Variants in TTN observed in about 807,000 individuals in gnomAD.
The protein encoded by TTN is connectin.
In TTN, 1,525 loss-of-function variants were observed where a neutral mutation model predicts 3,223.0. That is an observed-to-expected ratio of 0.47 (90% CI 0.45 to 0.49). TTN has a LOEUF of 0.49. TTN is among the 20% of genes least tolerant of loss of function. The pLI is 0.00. For missense variants in TTN, 40,786 were observed against 43,424.0 expected (o/e 0.94, Z 5.40); for synonymous variants, 14,094 against 15,161.0 (o/e 0.93, Z 5.17).
At position 178,599,333 on chromosome 2, in the gene TTN, A is replaced by G; in HGVS notation, c.56460T>C (p.Tyr18820=). Residue 18820 remains tyrosine (Y), a synonymous_variant, in exon 290 of 363, where the codon TAT becomes TAC. Transcript: ENST00000589042. ...TGTTAGCTTCTCTTTTCTCAATTAC[A>G]TAGTTTGTAATCTTAGACCCACCAT... ...KDDGGSKITN[Y]VIEKREANRK... is the part of the protein sequence containing the mutation. The G allele has an allele frequency of 6.2e-7, 1 of 1,610,326 alleles. No homozygotes were observed. The highest frequency in any genetic ancestry group is 8.5e-7 in the Non-Finnish European group (1 of 1,178,486).
intron 115 of TTN, 55 bp from the exon 116 acceptor site, chr2:178,694,961 T>C: frequency 1.7e-6 from 2 of 1,178,198 alleles, no homozygotes; most frequent in Non-Finnish European, 2.4e-6. Context: ...TAAAATTCTC[T>C]CTCTCTCTAT....
Position 178,572,376 on chromosome 2 carries a change from C to A in TTN, c.73756G>T (p.Gly24586Cys). ...AGAACCCTGAAATAGTAGCTACAGC[C>A]TTCTTGAAGCTGGTCTACCTTCCAG... is the stretch of plus-strand genomic sequence containing the variant. ...TSWKVDQLQE[G>C]CSYYFRVLAE... The change falls in exon 326 of 363, where the codon GGC becomes TGC. Residue 24586 changes from glycine (G) to cysteine (C), a missense_variant. Gly to Cys is a radical substitution (Grantham distance 159). Coordinates refer to ENST00000589042, the MANE Select transcript of TTN (RefSeq NM_001267550.2). The A allele has an allele frequency of 6.2e-7, 1 of 1,613,092 alleles. No homozygotes were observed. Among genetic ancestry groups the A allele is most frequent in the Non-Finnish European group, 8.5e-7 (1 of 1,179,298 alleles).
Position 178,695,377 on chromosome 2 carries a change from G to A in TTN, c.31241C>T (p.Pro10414Leu), listed in dbSNP as rs1315573254. The change falls in exon 115 of 363, where the codon CCT becomes CTT. Residue 10414 changes from proline (P) to leucine (L), a missense_variant. Physicochemically the swap from Pro to Leu is moderately conservative, Grantham distance 98 (BLOSUM62 -3). Transcript: ENST00000589042. ...SHERKVPAKV[P>L]EKKAPPPPKV... is the part of the protein sequence containing the mutation. ...AGGAGGTGGTGGTGCTTTCTTTTCAGGTACTTTGGCTGGAACTTTTCTCTC... is the reference window on the plus strand; with the variant it reads ...AGGAGGTGGTGGTGCTTTCTTTTCAAGTACTTTGGCTGGAACTTTTCTCTC... The A allele has an allele frequency of 1.9e-6, 3 of 1,612,140 alleles. No homozygotes were observed. The highest frequency in any genetic ancestry group is 3.3e-4 in the Middle Eastern group (2 of 6,054).
At position 178,620,986 on chromosome 2, in the gene TTN, G is replaced by T; in HGVS notation, c.45624C>A (p.Leu15208=). The T allele has an allele frequency of 6.2e-7, 1 of 1,609,322 alleles. No homozygotes were observed. Among genetic ancestry groups the T allele is most frequent in the East Asian group, 2.2e-5 (1 of 44,622 alleles). Residue 15208 remains leucine (L), a synonymous_variant, in exon 247 of 363, where the codon CTC becomes CTA. Coordinates refer to ENST00000589042, the MANE Select transcript of TTN (RefSeq NM_001267550.2). Reference sequence around the variant, plus strand: ...TGTCCTTAAGAGGAACTACGATCCTGAGTTTTTCTGAAAGCAACCGACAAG... The same window carrying T: ...TGTCCTTAAGAGGAACTACGATCCTTAGTTTTTCTGAAAGCAACCGACAAG... The part of the protein sequence containing the change: ...AAAHLTVIEK[L]RIVVPLKDTR...
Position 178,533,918 on chromosome 2 carries a change from A to G in TTN, c.102697T>C (p.Tyr34233His), listed in dbSNP as rs1460715226. 6.2e-7 allele frequency: 1 copy of G among 1,613,746 alleles called. No homozygotes were observed. Among genetic ancestry groups the G allele is most frequent in the Non-Finnish European group, 8.5e-7 (1 of 1,179,874 alleles). Residue 34233 changes from tyrosine to histidine, a missense_variant, in exon 358 of 363, where the codon TAT (tyrosine) becomes CAT (histidine). Transcript: ENST00000589042. ...ELFVKGVREV[Y>H]DYYCRRTMKK... ...ATGGTTCTACGGCAGTAATAGTCATAGACTTCTCTCACACCTTTAACAAAT... is the reference window on the plus strand; with the variant it reads ...ATGGTTCTACGGCAGTAATAGTCATGGACTTCTCTCACACCTTTAACAAAT...
intron 112 of TTN, among the ~76,000 whole-genome samples, chr2:178,698,029 G>T (rs945941806): frequency 6.6e-6 from 1 of 152,108 alleles, no homozygotes; most frequent in Non-Finnish European, 1.5e-5. Flanking sequence ...GGAAAAGGTG[G>T]TATATAAATA....
intron 79 of TTN, 97 bp from the exon 80 acceptor site, chr2:178,720,760 T>C (rs2154300859): frequency 7.2e-7 from 1 of 1,393,678 alleles, no homozygotes; most frequent in Middle Eastern, 2.1e-4. Flanking sequence ...GGTGTGATCA[T>C]ATGACAATAC....
chr2:178,739,516 A>G lies in TTN; in HGVS notation c.13717T>C (p.Ser4573Pro), dbSNP rs756221674. ...GAGGAAGACTCCTCTTTTTCCTCTG[A>G]TGGTTTCAGACTCTCATCTTGTTTT... Reference protein sequence around the residue: ...DEKQDESLKPSEEKEESSSES... With the variant: ...DEKQDESLKPPEEKEESSSES... The change falls in exon 48 of 363, where the codon TCA (serine) becomes CCA (proline). Residue 4573 changes from serine to proline, a missense_variant. Physicochemically the swap from Ser to Pro is moderately conservative, Grantham distance 74. Transcript: ENST00000589042. The G allele has an allele frequency of 1.9e-6, 3 of 1,613,720 alleles. No homozygotes were observed. Among genetic ancestry groups the G allele is most frequent in the Non-Finnish European group, 2.5e-6 (3 of 1,179,790 alleles).
rs761211956 is a variant in TTN at position 178,619,571 on chromosome 2, A to T, written c.46696+50T>A. Reference sequence around the variant, plus strand: ...CTCATTAAATAACTGTGAAATCTGAAATCTAAACTCTGTGATATTGGAAGG... The same window carrying T: ...CTCATTAAATAACTGTGAAATCTGATATCTAAACTCTGTGATATTGGAAGG... On this transcript the variant is annotated intron_variant, in intron 250 of 362. Coordinates refer to ENST00000589042, the MANE Select transcript of TTN (RefSeq NM_001267550.2). The T allele has an allele frequency of 1.2e-5, 19 of 1,589,302 alleles. No homozygotes were observed. The African/African-American group carries it at 2.6e-4, about 22-fold the overall frequency.
Position 178,590,410 on chromosome 2 carries a change from C to T in TTN, c.61315G>A (p.Glu20439Lys), listed in dbSNP as rs778185086. 1 of 1,608,450 alleles carries T rather than the reference C, an allele frequency of 6.2e-7. No individual in the cohort carries two copies. The highest frequency in any genetic ancestry group is 1.1e-5 in the South Asian group (1 of 89,622). The change falls in exon 304 of 363, where the codon GAA becomes AAA. Residue 20439 changes from glutamate (E) to lysine (K), a missense_variant. Coordinates refer to ENST00000589042, the MANE Select transcript of TTN (RefSeq NM_001267550.2). ...QCAFRVPGLIEGNEYRFRIKA... is the reference protein window; with the variant it reads ...QCAFRVPGLIKGNEYRFRIKA... ...ATACGGAATCTGTACTCATTTCCTTCAATTAGTCCAGGTACCCTAAAGGCA... is the reference window on the plus strand; with the variant it reads ...ATACGGAATCTGTACTCATTTCCTTTAATTAGTCCAGGTACCCTAAAGGCA...
chr2:178,572,867 C>T lies in TTN; in HGVS notation c.73265G>A (p.Arg24422Lys), dbSNP rs780420383. Reference protein sequence around the residue: ...LVPGTPKAEDRMLPPEIELDA... With the variant: ...LVPGTPKAEDKMLPPEIELDA... ...CAGTTCAATTTCTGGAGGCAGCATT[C>T]TGTCTTCAGCCTTTGGAGTTCCAGG... The change falls in exon 326 of 363, where the codon AGA becomes AAA. Residue 24422 changes from arginine (R) to lysine (K), a missense_variant. Transcript: ENST00000589042. The T allele has an allele frequency of 6.2e-7, 1 of 1,613,416 alleles. No homozygotes were observed. Among genetic ancestry groups the T allele is most frequent in the Non-Finnish European group, 8.5e-7 (1 of 1,179,596 alleles).
At position 178,667,561 on chromosome 2, in the gene TTN, G is replaced by T. The variant is rs771864715; in HGVS notation, c.35630-36C>A. ...ATGAGTATAGTTATATTTATAAATG[G>T]TGAAGAAAAATATTGAGCTTTTTAA... On this transcript the variant is annotated intron_variant, in intron 160 of 362. Transcript: ENST00000589042. The T allele has an allele frequency of 5.7e-6, 9 of 1,580,834 alleles. No individual in the cohort carries two copies. The South Asian group carries it at 7.9e-5, about 14-fold the overall frequency.
intron 109 of TTN, 125 bp downstream of exon 109, chr2:178,701,915 T>C: frequency 9.6e-7 from 1 of 1,042,620 alleles, no homozygotes; most frequent in Middle Eastern, 3.1e-4. Flanking sequence ...TGCATAACAG[T>C]TTTATTGAAA....
Position 178,526,580 on chromosome 2 carries a change from C to T in TTN, c.*432G>A, listed in dbSNP as rs1305793357. On this transcript the variant is annotated 3_prime_UTR_variant, in exon 363 of 363. Coordinates refer to ENST00000589042, the MANE Select transcript of TTN (RefSeq NM_001267550.2). ...ATCAAGTGATATGCACAGCATCATT[C>T]TCTTTTAGGTGGACAGGACATCTTC... 6.3e-6 allele frequency: 1 copy of T among 157,922 alleles called. No homozygotes were observed. The highest frequency in any genetic ancestry group is 1.4e-5 in the Non-Finnish European group (1 of 71,370). 9.8% of individuals were successfully genotyped at this position (157,922 alleles called of 1,614,324 possible). A position where few individuals can be genotyped will look rare whatever the true frequency, so the allele number is the denominator to read the frequency against.
In TTN at chr2:178,562,635, C is replaced by G; in HGVS notation, c.83497G>C (p.Gly27833Arg). 5 of 1,604,020 alleles carry G rather than the reference C, an allele frequency of 3.1e-6. No individual in the cohort carries two copies. Among genetic ancestry groups the G allele is most frequent in the Non-Finnish European group, 4.2e-6 (5 of 1,176,704 alleles). The change falls in exon 326 of 363, where the codon GGA becomes CGA. Residue 27833 changes from glycine (G) to arginine (R), a missense_variant. By Grantham distance (125) the Gly-to-Arg change is moderately radical. Transcript: ENST00000589042. ...TTFRIENLQE[G>R]CSYYFRVLAS... ...AAGACTCGGAAGTAGTAAGAACATC[C>G]TTCTTGTAGATTTTCAATTCTGAAA...
In TTN at chr2:178,611,825, A is replaced by G. The variant is rs376278734; in HGVS notation, c.50484T>C (p.Ala16828=). 44 of 1,612,854 alleles carry G rather than the reference A, an allele frequency of 2.7e-5. No homozygotes were observed. The highest frequency in any genetic ancestry group is 3.4e-5 in the Non-Finnish European group (40 of 1,179,320). Residue 16828 remains alanine (A), a synonymous_variant, in exon 268 of 363, where the codon GCT becomes GCC. Transcript: ENST00000589042. ...EGTEVQFQVR[A]ENEAGVGHPS... ...GGTGGCCAACTCCAGCTTCATTTTCAGCCCGAACCTGAAACTGGACCTCTG... is the reference window on the plus strand; with the variant it reads ...GGTGGCCAACTCCAGCTTCATTTTCGGCCCGAACCTGAAACTGGACCTCTG...
At position 178,719,204 on chromosome 2, in the gene TTN, T is replaced by A. The variant is rs1439021321; in HGVS notation, c.24186A>T (p.Val8062=). Residue 8062 remains valine (V), a synonymous_variant, in exon 83 of 363, where the codon GTA becomes GTT. Transcript: ENST00000589042. ...TGIYTCVAAN[V]AGSDECSAVL... is the part of the protein sequence containing the mutation. ...CTGCTGAGCACTCATCGGAACCAGCTACATTGGCAGCCACACACGTGTATA... is the reference window on the plus strand; with the variant it reads ...CTGCTGAGCACTCATCGGAACCAGCAACATTGGCAGCCACACACGTGTATA... 1 of 1,613,706 alleles carries A rather than the reference T, an allele frequency of 6.2e-7. No individual in the cohort carries two copies. The highest frequency in any genetic ancestry group is 8.5e-7 in the Non-Finnish European group (1 of 1,179,698).
intron 157 of TTN, 147 bp downstream of exon 157, chr2:178,670,071 A>G (rs2066705407): frequency 1.9e-6 from 1 of 527,502 alleles, no homozygotes; most frequent in African/African-American, 2.0e-5. Context: ...ACATTGCCTC[A>G]AAAGGCAGGA....
At chr2:178,802,864 C>T (rs556733004) in intron 2 of TTN, among the ~76,000 whole-genome samples, 2 of 152,324 alleles carry the variant, frequency 1.3e-5, no homozygotes, top group Non-Finnish European at 2.9e-5. Context: ...GACTCTTCTG[C>T]TTTCACAAGT....
Sources: gnomAD v4.1 joint callset for allele counts (sites outside exome capture counted in the v4.1 genomes callset) on GRCh38, gnomAD v4.1.1 for gene constraint, MANE v1.5 for transcripts, NCBI Gene and HGNC (gene_info 2026-07-23, HGNC 2026-07-21) for gene names.